The following EXOC6B variants were observed in gnomAD, a reference collection of about 807,000 sequenced individuals.
EXOC6B encodes the protein exocyst complex component 6B.
In EXOC6B, 54 loss-of-function variants were observed where a neutral mutation model predicts 113.5. The ratio of observed to expected loss-of-function variants is 0.48; its 90% CI spans 0.38 to 0.60. The LOEUF is 0.60. Ranked by LOEUF, EXOC6B falls within the 20% of genes least tolerant of loss-of-function variation. EXOC6B has a pLI of 0.00. For missense variants in EXOC6B, 797 were observed against 977.5 expected (o/e 0.82, Z 2.46); for synonymous variants, 357 against 339.0 (o/e 1.05, Z -0.58).
At chr2:72,765,089 C>CAA (rs34596669) in intron 1 of EXOC6B, among the ~76,000 whole-genome samples, 71 of 149,664 alleles carry the variant, frequency 4.7e-4, no homozygotes, top group Middle Eastern at 6.9e-3. Flanking sequence ...CCCATCACTA[C>CAA]AAAAAAAAAG....
intron 15 of EXOC6B, among the ~76,000 whole-genome samples, chr2:72,494,559 G>C (rs921037561): frequency 6.6e-6 from 1 of 151,920 alleles, no homozygotes; most frequent in African/African-American, 2.4e-5. Flanking sequence ...AGAGTAGCCT[G>C]GCATACCATG....
intron 6 of EXOC6B, among the ~76,000 whole-genome samples, chr2:72,644,960 G>C (rs1673581844): frequency 6.6e-6 from 1 of 152,108 alleles, no homozygotes; most frequent in Non-Finnish European, 1.5e-5. Flanking sequence ...AATGTAAATG[G>C]GCTAAATGCC....
At chr2:72,300,366 C>T (rs999954142) in intron 20 of EXOC6B, among the ~76,000 whole-genome samples, 6 of 152,168 alleles carry the variant, frequency 3.9e-5, no homozygotes, top group Admixed American at 1.3e-4. Context: ...GGCGGACGCC[C>T]CTACCTACAC....
intron 20 of EXOC6B, among the ~76,000 whole-genome samples, chr2:72,241,960 A>T (rs1682336218): frequency 6.6e-6 from 1 of 152,160 alleles, no homozygotes; most frequent in Non-Finnish European, 1.5e-5. Context: ...TAATCCCAGC[A>T]CTTTGGGAGG....
intron 6 of EXOC6B, among the ~76,000 whole-genome samples, chr2:72,597,218 C>A (rs891994792): frequency 2.0e-4 from 30 of 150,770 alleles, no homozygotes; most frequent in African/African-American, 7.3e-4. Context: ...ATTTTTAATT[C>A]TTAAAAATAA....
At chr2:72,181,742 G>C (rs1016918286) in intron 21 of EXOC6B, among the ~76,000 whole-genome samples, 4 of 152,160 alleles carry the variant, frequency 2.6e-5, no homozygotes, top group African/African-American at 9.6e-5. Flanking sequence ...AGAATTTCTT[G>C]GCCATTAAGA....
rs1699030659 is a variant in EXOC6B at position 72,480,699 on chromosome 2, A to C, written c.1717T>G (p.Leu573Val). 6.3e-7 allele frequency: 1 copy of C among 1,595,918 alleles called. No individual in the cohort carries two copies. Among genetic ancestry groups the C allele is most frequent in the African/African-American group, 1.3e-5 (1 of 74,704 alleles). The change falls in exon 17 of 22, where the codon TTG (leucine) becomes GTG (valine). Residue 573 changes from leucine to valine, a missense_variant. Coordinates refer to ENST00000272427, the MANE Select transcript of EXOC6B (RefSeq NM_015189.3). Reference sequence around the variant, plus strand: ...GTGATGTTGGTGATAAATTCTTCCAAGTACTTACAGGATTTCTCCAAATGT... The same window carrying C: ...GTGATGTTGGTGATAAATTCTTCCACGTACTTACAGGATTTCTCCAAATGT... ...TTHLEKSCKY[L>V]EEFITNITNV...
chr2:72,384,448 G>T (rs1691875796), intron 18 of EXOC6B, among the ~76,000 whole-genome samples: 1 of 151,736 alleles, frequency 6.6e-6, no homozygotes, highest in African/African-American at 2.4e-5. Context: ...TTTTTTTTAA[G>T]ATTAGGAACA....
intron 6 of EXOC6B, among the ~76,000 whole-genome samples, chr2:72,628,594 A>T (rs2104249577): frequency 6.6e-6 from 1 of 152,260 alleles, no homozygotes; most frequent in African/African-American, 2.4e-5. Flanking sequence ...GAGGTTTAGG[A>T]GGGTGGAGCT....
chr2:72,191,785 T>C (rs902548748), intron 20 of EXOC6B, among the ~76,000 whole-genome samples: 1 of 152,196 alleles, frequency 6.6e-6, no homozygotes, highest in Admixed American at 6.5e-5. Context: ...AGGACTCTGT[T>C]GATCCTTGTT....
At chr2:72,551,741 C>G (rs1000110575) in intron 8 of EXOC6B, among the ~76,000 whole-genome samples, 2 of 152,038 alleles carry the variant, frequency 1.3e-5, no homozygotes, top group African/African-American at 2.4e-5. Flanking sequence ...AGTGATCCGC[C>G]CGCCTCGGCC....
chr2:72,500,790 T>TTATA (rs1314861274), intron 11 of EXOC6B, among the ~76,000 whole-genome samples: 1 of 152,216 alleles, frequency 6.6e-6, no homozygotes, highest in African/African-American at 2.4e-5. Flanking sequence ...AATTCTTTAA[T>TTATA]TATAATTTTT....
intron 11 of EXOC6B, among the ~76,000 whole-genome samples, chr2:72,505,630 T>G (rs894375429): frequency 2.6e-5 from 4 of 152,166 alleles, no homozygotes; most frequent in Non-Finnish European, 5.9e-5. Context: ...TAGGTCAATT[T>G]TGAAAGTGCT....
chr2:72,701,921 T>G (rs941934408), intron 6 of EXOC6B, among the ~76,000 whole-genome samples: 2 of 145,690 alleles, frequency 1.4e-5, no homozygotes, highest in Non-Finnish European at 3.0e-5. Flanking sequence ...TTGTATTTCT[T>G]TTTTTTTTTT....
Position 72,726,241 on chromosome 2 carries a change from G to A in EXOC6B, c.464+4766C>T, listed in dbSNP as rs572270441. Among the ~76,000 whole-genome samples the A allele has an allele frequency of 2.6e-4, 40 of 152,236 alleles. No homozygotes were observed. In the South Asian group the frequency reaches 6.0e-3, roughly 23 times the overall value. On this transcript the variant is annotated intron_variant, in intron 5 of 21. Coordinates refer to ENST00000272427, the MANE Select transcript of EXOC6B (RefSeq NM_015189.3). ...CAGGGCAGCGAGGAAAGAGGAATGG[G>A]TACCCTTTTTGGGGTAATGAAAATG... is the stretch of plus-strand genomic sequence containing the variant.
At chr2:72,401,584 T>TATATATGTATATATATATATATAC (rs1693253234) in intron 18 of EXOC6B, among the ~76,000 whole-genome samples, 1 of 17,670 alleles carries the variant, frequency 5.7e-5, no homozygotes, top group Non-Finnish European at 9.4e-5. Context: ...TATATATACA[T>TATATATGTATATATATATATATAC]ATATATATAT....
chr2:72,808,726 T>A (rs555623774), intron 1 of EXOC6B, among the ~76,000 whole-genome samples: 97 of 152,204 alleles, frequency 6.4e-4, no homozygotes, highest in African/African-American at 2.3e-3. Flanking sequence ...AGGGCAGCAG[T>A]GAGCCATGAT....
At chr2:72,813,927 G>C (rs1051126737) in intron 1 of EXOC6B, among the ~76,000 whole-genome samples, 9 of 151,964 alleles carry the variant, frequency 5.9e-5, no homozygotes, top group African/African-American at 2.2e-4. Flanking sequence ...AGCACAAAGA[G>C]GAGGAAAGAA....
intron 6 of EXOC6B, among the ~76,000 whole-genome samples, chr2:72,610,407 TA>T (rs1413958355): frequency 6.6e-6 from 1 of 152,160 alleles, no homozygotes; most frequent in African/African-American, 2.4e-5. Flanking sequence ...GGTTTCTAAA[TA>T]CCATTCTCCA....
Sources: gnomAD v4.1 joint callset for allele counts (sites outside exome capture counted in the v4.1 genomes callset) on GRCh38, gnomAD v4.1.1 for gene constraint, MANE v1.5 for transcripts, NCBI Gene and HGNC (gene_info 2026-07-23, HGNC 2026-07-21) for gene names.